SRGAP3: variants seen among roughly 807,000 people sequenced by gnomAD.
The protein encoded by SRGAP3 is SLIT-ROBO Rho GTPase-activating protein 3.
SRGAP3 carries 39 observed loss-of-function variants against 121.1 expected under a neutral mutation model. The ratio of observed to expected loss-of-function variants is 0.32; its 90% CI spans 0.25 to 0.42. The LOEUF (loss-of-function observed/expected upper bound fraction) is 0.42, where lower values mean the gene tolerates loss of function less well. Among genes scored for constraint, SRGAP3 ranks in the 10% least tolerant of loss-of-function variants. The pLI, the probability that SRGAP3 is intolerant of heterozygous loss-of-function variation, is 1.00. For synonymous variants in SRGAP3, 601 were observed against 570.0 expected (o/e 1.05, Z -0.77); for missense variants, 1,213 against 1,470.6 (o/e 0.82, Z 2.86).
intron 1 of SRGAP3, among the ~76,000 whole-genome samples, chr3:9,136,462 CG>C (rs1949668937): frequency 7.1e-6 from 1 of 141,516 alleles, no homozygotes. Flanking sequence ...TGGCTGAAAG[CG>C]GGCTCCTAAG....
At chr3:9,024,209 GAGA>G (rs913640844) in intron 14 of SRGAP3, among the ~76,000 whole-genome samples, 5 of 152,190 alleles carry the variant, frequency 3.3e-5, no homozygotes, top group African/African-American at 1.2e-4. Flanking sequence ...GAACCACTCA[GAGA>G]AGAAGGCAGT....
intron 20 of SRGAP3, chr3:8,992,549 A>AT (rs1942119857): frequency 2.5e-6 from 1 of 405,998 alleles, no homozygotes; most frequent in Admixed American, 3.7e-5. Context: ...ATTTTTAAAT[A>AT]TAACAACTCA....
intron 3 of SRGAP3, among the ~76,000 whole-genome samples, chr3:9,278,743 G>T (rs1029893953): frequency 1.3e-5 from 2 of 152,208 alleles, no homozygotes; most frequent in Non-Finnish European, 2.9e-5. Context: ...GTGTCCTCGT[G>T]AATGGGGATG....
At chr3:9,324,174 G>A (rs1208348445) in intron 3 of SRGAP3, among the ~76,000 whole-genome samples, 2 of 151,874 alleles carry the variant, frequency 1.3e-5, no homozygotes, top group African/African-American at 2.4e-5. Flanking sequence ...ATTGTTTCAG[G>A]CGCATACTAC....
chr3:9,168,830 C>A (rs893680451), intron 1 of SRGAP3, among the ~76,000 whole-genome samples: 6 of 152,230 alleles, frequency 3.9e-5, no homozygotes, highest in Non-Finnish European at 8.8e-5. Context: ...CAGACTGGCA[C>A]AGAGTGGCAA....
intron 1 of SRGAP3, among the ~76,000 whole-genome samples, chr3:9,151,523 G>C (rs1215009346): frequency 6.6e-6 from 1 of 152,192 alleles, no homozygotes. Flanking sequence ...TAACGAGATG[G>C]GTTGGAAAGG....
At chr3:9,119,151 C>G (rs1265030118) in intron 2 of SRGAP3, among the ~76,000 whole-genome samples, 1 of 152,130 alleles carries the variant, frequency 6.6e-6, no homozygotes, top group Non-Finnish European at 1.5e-5. Context: ...GGCTGTAGCT[C>G]TTACCTCACC....
At chr3:9,329,446 A>T (rs1182841119) in intron 2 of SRGAP3, among the ~76,000 whole-genome samples, 3 of 152,196 alleles carry the variant, frequency 2.0e-5, no homozygotes, top group Non-Finnish European at 4.4e-5. Context: ...GATAAAACAC[A>T]GACATTAGCT....
intron 1 of SRGAP3, chr3:9,194,338 A>C (rs1238839322): frequency 6.6e-6 from 1 of 152,034 alleles, no homozygotes; most frequent in Non-Finnish European, 1.5e-5. Context: ...GATTTTTCTC[A>C]TCTGTAAAAT....
intron 3 of SRGAP3, among the ~76,000 whole-genome samples, chr3:9,325,211 T>C (rs187173570): frequency 6.6e-6 from 1 of 151,922 alleles, no homozygotes; most frequent in African/African-American, 2.4e-5. Flanking sequence ...CAGAGAGCAC[T>C]AAGGAGGCTA....
intron 2 of SRGAP3, among the ~76,000 whole-genome samples, chr3:9,115,677 T>C (rs1948779540): frequency 6.6e-6 from 1 of 152,158 alleles, no homozygotes; most frequent in South Asian, 2.1e-4. Flanking sequence ...AAGGTAAAGA[T>C]GAAAGATGCT....
rs146421275 is a variant in SRGAP3, at chr3:8,988,711, C to T, written c.2886+1801G>A. 1.1e-3 allele frequency among the ~76,000 whole-genome samples: 160 copies of T among 151,958 alleles called. 1 individual carries two copies. Among genetic ancestry groups the T allele is most frequent in the Middle Eastern group, 6.8e-3 (2 of 294 alleles). On this transcript the variant is annotated intron_variant, in intron 21 of 21. Coordinates refer to ENST00000383836, the MANE Select transcript of SRGAP3 (RefSeq NM_014850.4). ...CCTTTTTGGCACCAGGGACCGTTTA[C>T]GTGGAAGACAATTTTTCCACAGATG...
intron 1 of SRGAP3, among the ~76,000 whole-genome samples, chr3:9,147,529 C>T (rs1196406685): frequency 6.6e-6 from 1 of 152,116 alleles, no homozygotes; most frequent in East Asian, 1.9e-4. Context: ...TGAAGGCTCC[C>T]TGCCCCTAAA....
At chr3:9,283,988 A>G (rs987905007) in intron 3 of SRGAP3, among the ~76,000 whole-genome samples, 2 of 152,226 alleles carry the variant, frequency 1.3e-5, no homozygotes, top group Non-Finnish European at 1.5e-5. Flanking sequence ...AGTTATCTAC[A>G]ACTTAACAGA....
chr3:9,112,782 T>C (rs1234791987), intron 2 of SRGAP3, among the ~76,000 whole-genome samples: 1 of 152,224 alleles, frequency 6.6e-6, no homozygotes, highest in Non-Finnish European at 1.5e-5. Flanking sequence ...CACCTGATGC[T>C]TGTTGTGTTC....
intron 1 of SRGAP3, among the ~76,000 whole-genome samples, chr3:9,334,619 A>AG (rs1955660314): frequency 1.3e-5 from 2 of 152,196 alleles, no homozygotes; most frequent in Non-Finnish European, 2.9e-5. Context: ...TATTCTCATA[A>AG]ACAAAGACAA....
At position 9,360,112 on chromosome 3, in the gene SRGAP3, T is replaced by C. The variant is rs567299185; in HGVS notation, n.214+2728A>G. 4.7e-4 allele frequency among the ~76,000 whole-genome samples: 72 copies of C among 152,280 alleles called. 1 individual carries two copies. Among genetic ancestry groups the C allele is most frequent in the Non-Finnish European group, 1.5e-5 (1 of 68,010 alleles). ...ACCCAGCTACTTTCTAAATTTTTTG[T>C]AGAGACAGGTCTCCCTATGTTGTCC... On this transcript the variant is annotated intron_variant and non_coding_transcript_variant, in intron 1 of 3. Transcript: ENST00000490889.
rs993959859 is a variant in SRGAP3 at position 9,008,535 on chromosome 3, A to G, written c.2227+1773T>C. Among the ~76,000 whole-genome samples the G allele has an allele frequency of 2.0e-5, 3 of 152,102 alleles. No individual in the cohort carries two copies. The South Asian group carries it at 6.2e-4, about 32-fold the overall frequency. On this transcript the variant is annotated intron_variant, in intron 18 of 21. Coordinates refer to ENST00000383836, the MANE Select transcript of SRGAP3 (RefSeq NM_014850.4). ...ATAAAAAGAGCAACAGATGGAGAGG[A>G]CAGGGTGAGGGCTGTTAAAAGGGAT...
chr3:9,064,193 A>G (rs1946310560), intron 5 of SRGAP3, among the ~76,000 whole-genome samples: 1 of 152,194 alleles, frequency 6.6e-6, no homozygotes, highest in Non-Finnish European at 1.5e-5. Context: ...CAGTGTTAGC[A>G]CGGGCATGCC....
Sources: allele counts gnomAD v4.1 joint callset (sites outside exome capture counted in the v4.1 genomes callset), GRCh38; gene constraint gnomAD v4.1.1; transcripts MANE v1.5; gene names NCBI Gene and HGNC (gene_info 2026-07-23, HGNC 2026-07-21).